Variants in RGS6 observed in about 807,000 individuals in gnomAD.
RGS6 encodes the protein regulator of G protein signaling 6.
In RGS6, 30 loss-of-function variants were observed where a neutral mutation model predicts 78.5. The ratio of observed to expected loss-of-function variants is 0.38; its 90% CI spans 0.29 to 0.52. RGS6 has a LOEUF of 0.52. RGS6 is among the 20% of genes least tolerant of loss of function. The pLI is 0.85. For synonymous variants in RGS6, 206 were observed against 206.0 expected, an observed-to-expected ratio of 1.00 and a Z score of 0.00; for missense variants, 495 against 609.7, an observed-to-expected ratio of 0.81 and a Z score of 1.98.
chr14:72,440,938 G>A (rs142240922), intron 3 of RGS6, among the ~76,000 whole-genome samples: 4 of 149,976 alleles, frequency 2.7e-5, no homozygotes, highest in South Asian at 2.1e-4. Context: ...ATGTGTGAGC[G>A]TTGCATGCAT....
intron 2 of RGS6, among the ~76,000 whole-genome samples, chr14:72,183,030 G>C (rs955408321): frequency 6.6e-6 from 1 of 152,178 alleles, no homozygotes; most frequent in Non-Finnish European, 1.5e-5. Flanking sequence ...ACATTTGATA[G>C]AGACCACATG....
chr14:71,903,352 T>A, the RGS6 span, among the ~76,000 whole-genome samples: 558 of 152,330 alleles, frequency 3.7e-3, 5 homozygotes, highest in African/African-American at 0.013. Flanking sequence ...TGGTAAGTGT[T>A]TGATAAATCC....
chr14:71,885,148 C>A, the RGS6 span, among the ~76,000 whole-genome samples: 1 of 152,160 alleles, frequency 6.6e-6, no homozygotes, highest in African/African-American at 2.4e-5. Flanking sequence ...TCTTCCAACC[C>A]ACCTACAGAA....
intron 12 of RGS6, among the ~76,000 whole-genome samples, chr14:72,491,845 G>T (rs2096582057): frequency 6.6e-6 from 1 of 152,166 alleles, no homozygotes; most frequent in East Asian, 1.9e-4. Flanking sequence ...CAGGAATGAG[G>T]CATGGGGCTA....
At chr14:72,338,864 G>T (rs898360339) in intron 2 of RGS6, among the ~76,000 whole-genome samples, 2 of 152,210 alleles carry the variant, frequency 1.3e-5, no homozygotes, top group Non-Finnish European at 2.9e-5. Flanking sequence ...AAAACCAATT[G>T]TGAAGGAAAG....
chr14:72,333,506 C>T (rs907031243), intron 2 of RGS6, among the ~76,000 whole-genome samples: 25 of 152,214 alleles, frequency 1.6e-4, no homozygotes, highest in African/African-American at 4.3e-4. Flanking sequence ...CTCTGGCCCT[C>T]TTCTTTCTGT....
chr14:71,986,990 C>T (rs1180863836), intron 2 of RGS6, among the ~76,000 whole-genome samples: 1 of 152,106 alleles, frequency 6.6e-6, no homozygotes, highest in Non-Finnish European at 1.5e-5. Flanking sequence ...CACACATAAT[C>T]CAGGGGTACC....
At chr14:72,599,859 G>A in the RGS6 span, among the ~76,000 whole-genome samples, 24 of 152,194 alleles carry the variant, frequency 1.6e-4, no homozygotes, top group African/African-American at 5.5e-4. Context: ...GGCTCACACA[G>A]GCCTCGGGTT....
intron 2 of RGS6, among the ~76,000 whole-genome samples, chr14:72,329,517 C>T (rs907564215): frequency 6.6e-6 from 1 of 152,260 alleles, no homozygotes; most frequent in Non-Finnish European, 1.5e-5. Context: ...GGGCACTGTC[C>T]TGAGTAGGCT....
chr14:72,465,886 CTAAGTT>C (rs1218620884), intron 7 of RGS6, 64 bp downstream of exon 7: 36 of 1,334,226 alleles, frequency 2.7e-5, no homozygotes, highest in South Asian at 6.2e-5. Context: ...GCAGCTCCGT[CTAAGTT>C]TATTTTTTTT....
chr14:72,398,731 C>T (rs908193204), intron 3 of RGS6, among the ~76,000 whole-genome samples: 7 of 152,262 alleles, frequency 4.6e-5, no homozygotes, highest in Non-Finnish European at 8.8e-5. Context: ...GAATGTGTCC[C>T]AGAGATTCTG....
intron 2 of RGS6, among the ~76,000 whole-genome samples, chr14:72,265,977 C>T (rs2059003818): frequency 6.6e-6 from 1 of 151,796 alleles, no homozygotes. Context: ...GTGTACAGCT[C>T]CTCATACTTG....
chr14:72,408,305 G>T (rs1366839887), intron 3 of RGS6, among the ~76,000 whole-genome samples: 1 of 152,068 alleles, frequency 6.6e-6, no homozygotes, highest in Non-Finnish European at 1.5e-5. Context: ...CCAATTGTGT[G>T]TTTTTTGATG....
intron 2 of RGS6, among the ~76,000 whole-genome samples, chr14:72,302,223 G>A (rs577962628): frequency 1.4e-4 from 21 of 152,284 alleles, no homozygotes; most frequent in South Asian, 1.0e-3. Flanking sequence ...AATAAGAGCC[G>A]GCACTATCAC....
intron 2 of RGS6, among the ~76,000 whole-genome samples, chr14:72,291,598 G>C (rs532079823): frequency 6.6e-6 from 1 of 152,186 alleles, no homozygotes; most frequent in Non-Finnish European, 1.5e-5. Context: ...GTGTTGAAAA[G>C]TGTTTGTTGA....
At chr14:71,981,955 C>A (rs1016009256) in intron 2 of RGS6, among the ~76,000 whole-genome samples, 1 of 152,004 alleles carries the variant, frequency 6.6e-6, no homozygotes, top group South Asian at 2.1e-4. Flanking sequence ...GGGCGTAGGA[C>A]CCTCCGAGCC....
At chr14:72,609,456 C>G in the RGS6 span, among the ~76,000 whole-genome samples, 54 of 152,310 alleles carry the variant, frequency 3.5e-4, no homozygotes, top group Non-Finnish European at 6.8e-4. Context: ...CTCTGGGAAT[C>G]ACAGAACCAT....
intron 2 of RGS6, among the ~76,000 whole-genome samples, chr14:72,016,101 A>G (rs994057961): frequency 6.6e-6 from 1 of 151,644 alleles, no homozygotes; most frequent in Non-Finnish European, 1.5e-5. Flanking sequence ...GTACTTTTTT[A>G]TGTGTTTTTA....
intron 2 of RGS6, among the ~76,000 whole-genome samples, chr14:72,008,357 G>A (rs2084985940): frequency 6.6e-6 from 1 of 152,152 alleles, no homozygotes; most frequent in Non-Finnish European, 1.5e-5. Flanking sequence ...GTCTGGACTT[G>A]GAACTGATGC....
Sources: allele counts gnomAD v4.1 joint callset (sites outside exome capture counted in the v4.1 genomes callset), GRCh38; gene constraint gnomAD v4.1.1; transcripts MANE v1.5; gene names NCBI Gene and HGNC (gene_info 2026-07-23, HGNC 2026-07-21).